Variants in EML1 observed in about 807,000 individuals in gnomAD.
EML1 encodes the protein EMAP like 1, also known as echinoderm microtubule-associated protein-like 1.
EML1 carries 27 observed loss-of-function variants against 110.4 expected under a neutral mutation model. The observed-to-expected ratio is 0.24, with a 90% confidence interval of 0.18 to 0.34. The LOEUF (loss-of-function observed/expected upper bound fraction) is 0.34, where lower values mean the gene tolerates loss of function less well. Ranked by LOEUF, EML1 falls within the 10% of genes least tolerant of loss-of-function variation. The pLI, the probability that EML1 is intolerant of heterozygous loss-of-function variation, is 1.00. For synonymous variants in EML1, 344 were observed against 385.8 expected, an observed-to-expected ratio of 0.89 and a Z score of 1.27; for missense variants, 741 against 1,030.9, an observed-to-expected ratio of 0.72 and a Z score of 3.85.
intron 17 of EML1, 144 bp downstream of exon 17, chr14:99,921,021 C>G (rs904468164): frequency 1.5e-6 from 1 of 680,472 alleles, no homozygotes; most frequent in Non-Finnish European, 2.4e-6. Flanking sequence ...CCATCACCCA[C>G]GTATTAAGCC....
chr14:99,930,419 C>A (rs1332267659), intron 17 of EML1, among the ~76,000 whole-genome samples: 2 of 152,186 alleles, frequency 1.3e-5, no homozygotes, highest in Non-Finnish European at 2.9e-5. Flanking sequence ...ATGTGGATCA[C>A]CCAGAGCGGG....
At chr14:99,926,477 G>C (rs1220572081) in intron 17 of EML1, among the ~76,000 whole-genome samples, 1 of 151,932 alleles carries the variant, frequency 6.6e-6, no homozygotes, top group Non-Finnish European at 1.5e-5. Flanking sequence ...TAGAGACAGG[G>C]TTTTGCCAGA....
Position 99,900,890 on chromosome 14 carries a change from C to A in EML1, c.898-39C>A, listed in dbSNP as rs182759614. Reference sequence around the variant, plus strand: ...TCAAGGTAAAGACACATGTGTATCACCATCACAATTGATGGCTCTGTGTTT... The same window carrying A: ...TCAAGGTAAAGACACATGTGTATCAACATCACAATTGATGGCTCTGTGTTT... On this transcript the variant is annotated intron_variant, in intron 8 of 21. Transcript: ENST00000262233. 1,531 of 1,552,652 alleles carry A rather than the reference C, an allele frequency of 9.9e-4. 3 individuals carry two copies. The highest frequency in any genetic ancestry group is 1.2e-3 in the Non-Finnish European group (1,381 of 1,124,326).
Position 99,739,119 on chromosome 14 carries a change from A to AGAGT in EML1, c.28+1260_28+1261insAGTG, listed in dbSNP as rs1258318282. 3.8e-3 allele frequency among the ~76,000 whole-genome samples: 513 copies of AGAGT among 134,976 alleles called. 6 individuals are homozygous for AGAGT. Among genetic ancestry groups the AGAGT allele is most frequent in the African/African-American group, 0.014 (472 of 33,946 alleles). The allele number at this position is 134,976 out of a possible 152,430, so 88.5% of individuals were successfully genotyped here. ...GAGAGAGAGACAGAGAGAGAGAGAG[A>AGAGT]GTGTGTGTGTGTGTGTGTGTGTGTG... On this transcript the variant is annotated intron_variant, in intron 1 of 10. Coordinates refer to the EML1 transcript ENST00000554479.
At chr14:99,790,432 G>A (rs945360369), upstream of EML1, among the ~76,000 whole-genome samples, 1 of 152,038 alleles carries the variant, frequency 6.6e-6, no homozygotes, top group African/African-American at 2.4e-5. Context: ...CAACCTCCTG[G>A]GCCCAAGTCG....
chr14:99,899,596 C>G (rs932449474), intron 8 of EML1: 1 of 152,110 alleles, frequency 6.6e-6, no homozygotes, highest in African/African-American at 2.4e-5. Context: ...GGATTACTGG[C>G]GTGAACCACT....
At chr14:99,849,505 T>TTGTGTGTGTGTG (rs764449866) in intron 1 of EML1, among the ~76,000 whole-genome samples, 4 of 149,126 alleles carry the variant, frequency 2.7e-5, no homozygotes, top group African/African-American at 1.0e-4. Flanking sequence ...GTGTGTGTAT[T>TTGTGTGTGTGTG]TGTGTGTGTG....
chr14:99,787,571 A>G (rs2057615308), intron 1 of EML1, among the ~76,000 whole-genome samples: 1 of 151,962 alleles, frequency 6.6e-6, no homozygotes, highest in South Asian at 2.1e-4. Context: ...GAGCCACCAC[A>G]CCCAGATTGA....
intron 1 of EML1, among the ~76,000 whole-genome samples, chr14:99,846,716 G>A (rs562327798): frequency 6.6e-6 from 1 of 152,250 alleles, no homozygotes; most frequent in South Asian, 2.1e-4. Flanking sequence ...AAATTTGTAG[G>A]CAGGTGTCTT....
rs1566898608 is a variant in EML1 at position 99,852,343 on chromosome 14, AGTGGCACACGCCT to A, written c.250+1311_250+1323del. Among the ~76,000 whole-genome samples the A allele has an allele frequency of 5.3e-5, 8 of 152,338 alleles. No homozygotes were observed. In the East Asian group the frequency reaches 1.5e-3, roughly 29 times the overall value. On this transcript the variant is annotated intron_variant, in intron 2 of 21. Coordinates refer to ENST00000262233, the MANE Select transcript of EML1 (RefSeq NM_004434.3). Reference sequence around the variant, plus strand: ...AAAATACCTTTCATTGGCTGGGCACAGTGGCACACGCCTGTAATCCCAGCACTTTGGAAGGCTG... The same window carrying A: ...AAAATACCTTTCATTGGCTGGGCACAGTAATCCCAGCACTTTGGAAGGCTG...
At chr14:99,801,488 G>T (rs1251294201) in intron 1 of EML1, among the ~76,000 whole-genome samples, 1 of 151,992 alleles carries the variant, frequency 6.6e-6, no homozygotes, top group Non-Finnish European at 1.5e-5. Flanking sequence ...GGTGGCGGGC[G>T]CCTGTAGTCC....
chr14:99,917,999 CT>C (rs2060063454), intron 16 of EML1, 150 bp downstream of exon 16: 1 of 767,592 alleles, frequency 1.3e-6, no homozygotes, highest in East Asian at 2.7e-5. Context: ...AAAAGCGAAA[CT>C]TGAAACAGTG....
At chr14:99,793,250 CCCCGCGG>C (rs2057701536), upstream of EML1, 1 of 818,454 alleles carries the variant, frequency 1.2e-6, no homozygotes. Flanking sequence ...CCGGCCCGGG[CCCCGCGG>C]CCGCCGAGGC....
chr14:99,911,453 G>A lies in EML1; in HGVS notation c.1371G>A (p.Gly457=), dbSNP rs900400339. Residue 457 remains glycine (G), a synonymous_variant, in exon 13 of 22, where the codon GGG becomes GGA. Transcript: ENST00000262233. ...GTNRISYAVQ[G]AHEGGIFALC... Reference sequence around the variant, plus strand: ...ATCGAATAAGCTATGCAGTTCAGGGGGCCCATGAGGGTGGCATTTTTGCAC... The same window carrying A: ...ATCGAATAAGCTATGCAGTTCAGGGAGCCCATGAGGGTGGCATTTTTGCAC... 8 of 1,610,614 alleles carry A rather than the reference G, an allele frequency of 5.0e-6. No homozygotes were observed. Among genetic ancestry groups the A allele is most frequent in the Non-Finnish European group, 6.8e-6 (8 of 1,179,472 alleles).
upstream of EML1, among the ~76,000 whole-genome samples, chr14:99,769,573 T>C (rs185742028): frequency 6.6e-6 from 1 of 152,358 alleles, no homozygotes; most frequent in Non-Finnish European, 1.5e-5. Flanking sequence ...CAATCTGATA[T>C]CACTTCTTTC....
At chr14:99,825,667 T>A (rs1051258309) in intron 1 of EML1, among the ~76,000 whole-genome samples, 80 of 152,184 alleles carry the variant, frequency 5.3e-4, no homozygotes, top group African/African-American at 1.9e-3. Context: ...TAGGAACTGT[T>A]ATTGTCAGCA....
chr14:99,891,090 T>C (rs1023293691), intron 4 of EML1, 109 bp from the exon 5 acceptor site: 5 of 1,252,390 alleles, frequency 4.0e-6, no homozygotes, highest in East Asian at 4.6e-5. Context: ...GTATAACTTA[T>C]GCAGCATTTG....
intron 17 of EML1, among the ~76,000 whole-genome samples, chr14:99,930,914 A>G (rs982409264): frequency 5.9e-5 from 9 of 152,306 alleles, no homozygotes; most frequent in African/African-American, 2.2e-4. Flanking sequence ...TGGTCATGCA[A>G]TTGTGTTTCT....
upstream of EML1, among the ~76,000 whole-genome samples, chr14:99,792,026 C>G (rs2057680221): frequency 6.6e-6 from 1 of 152,228 alleles, no homozygotes. Flanking sequence ...TCCCAATTAA[C>G]AATCCTGCTA....
Sources: gnomAD v4.1 joint callset for allele counts (sites outside exome capture counted in the v4.1 genomes callset) on GRCh38, gnomAD v4.1.1 for gene constraint, MANE v1.5 for transcripts, NCBI Gene and HGNC (gene_info 2026-07-23, HGNC 2026-07-21) for gene names.